Variants in PDGFRB observed in about 807,000 individuals in gnomAD.
PDGFRB encodes platelet-derived growth factor receptor beta.
In PDGFRB, 42 loss-of-function variants were observed where a neutral mutation model predicts 120.2. The observed-to-expected ratio is 0.35, with a 90% CI of 0.27 to 0.45. The LOEUF is 0.45. Ranked by LOEUF, PDGFRB falls within the 20% of genes least tolerant of loss-of-function variation. PDGFRB has a pLI of 1.00. For missense variants in PDGFRB, 1,149 were observed against 1,476.3 expected (o/e 0.78, Z 3.63); for synonymous variants, 586 against 606.8 (o/e 0.97, Z 0.50).
intron 22 of PDGFRB, among the ~76,000 whole-genome samples, chr5:150,116,786 G>T (rs1438629748): frequency 2.6e-5 from 4 of 152,156 alleles, no homozygotes; most frequent in East Asian, 3.9e-4. Flanking sequence ...TGGATGGTTG[G>T]CCTCTTCAAC....
chr5:150,141,841 C>T (rs1760793185), intron 1 of PDGFRB, among the ~76,000 whole-genome samples: 1 of 152,000 alleles, frequency 6.6e-6, no homozygotes, highest in African/African-American at 2.4e-5. Flanking sequence ...GGAGTGAGAG[C>T]TGCAACTGAG....
chr5:150,147,271 C>G (rs1031618470), intron 1 of PDGFRB, among the ~76,000 whole-genome samples: 2 of 152,328 alleles, frequency 1.3e-5, no homozygotes, highest in African/African-American at 2.4e-5. Flanking sequence ...CCCCACCCCC[C>G]AGAGCCTCAT....
intron 1 of PDGFRB, among the ~76,000 whole-genome samples, chr5:150,144,966 G>C (rs867016790): frequency 6.6e-6 from 1 of 152,264 alleles, no homozygotes; most frequent in Non-Finnish European, 1.5e-5. Context: ...ATTTAGTACA[G>C]TTGACCCTTG....
At chr5:150,117,889 G>T (rs1264669572) in intron 21 of PDGFRB, 39 bp from the exon 22 acceptor site, 2 of 1,238,656 alleles carry the variant, frequency 1.6e-6, no homozygotes, top group Non-Finnish European at 2.3e-6. Flanking sequence ...AACAGGGATG[G>T]TCAGGCCAGA....
chr5:150,120,810 C>A lies in PDGFRB; in HGVS notation c.2586+78G>T. The A allele has an allele frequency of 7.2e-7, 1 of 1,381,494 alleles. No homozygotes were observed. Among genetic ancestry groups the A allele is most frequent in the Non-Finnish European group, 1.0e-6 (1 of 979,046 alleles). The allele number at this position is 1,381,494 out of a possible 1,614,324, so 85.6% of individuals were successfully genotyped here. ...ACACAGATTTCCTATGAGCTGCAGC[C>A]ACACTGGTCAGGAGGGAATCTGTTC... On this transcript the variant is annotated intron_variant, in intron 18 of 22. Coordinates refer to ENST00000261799, the MANE Select transcript of PDGFRB (RefSeq NM_002609.4). This position sits in a 1 kb window ranked among gnomAD's most constrained non-coding sequence, Gnocchi z 4.3.
In PDGFRB at chr5:150,135,824, CCCT is replaced by C. The variant is rs1282139470; in HGVS notation, c.92_94del (p.Gln31_Gly32delinsArg). On this transcript the variant is annotated inframe_deletion, in exon 3 of 23. Coordinates refer to ENST00000261799, the MANE Select transcript of PDGFRB (RefSeq NM_002609.4). The stretch of plus-strand genomic sequence containing the variant: ...TGGCCCCGGGGGTGTGACGACCAGG[CCCT>C]GAGAGATCTGTGGTTCCAGAAGTAA... 4.5e-6 allele frequency: 7 copies of C among 1,558,126 alleles called. No individual in the cohort carries two copies. The highest frequency in any genetic ancestry group is 6.1e-6 in the Non-Finnish European group (7 of 1,152,928).
chr5:150,133,231 T>C (rs1443756624), intron 6 of PDGFRB, among the ~76,000 whole-genome samples: 4 of 152,150 alleles, frequency 2.6e-5, no homozygotes, highest in Non-Finnish European at 5.9e-5. Flanking sequence ...AAGGTTGAAT[T>C]TGGGGATGGG....
chr5:150,117,630 G>A lies in PDGFRB; in HGVS notation c.3125C>T (p.Pro1042Leu). 1.2e-6 allele frequency: 2 copies of A among 1,607,970 alleles called. No individual in the cohort carries two copies. Among genetic ancestry groups the A allele is most frequent in the Non-Finnish European group, 1.7e-6 (2 of 1,174,818 alleles). ...CCAGGGTGGTTACCTGGCTAGGCTG[G>A]GGGAACCCTCCAGTGGGCCCTCGTC... The part of the protein sequence containing the change: ...VADEGPLEGS[P>L]SLASSTLNEV... Residue 1042 changes from proline to leucine, a missense_variant, in exon 22 of 23, where the codon CCC (proline) becomes CTC (leucine). Pro to Leu is a moderately conservative substitution (Grantham distance 98). Coordinates refer to ENST00000261799, the MANE Select transcript of PDGFRB (RefSeq NM_002609.4).
chr5:150,129,759 T>C lies in PDGFRB; in HGVS notation c.1577A>G (p.His526Arg), dbSNP rs1760403763. Residue 526 changes from histidine to arginine, a missense_variant and splice_region_variant, in exon 10 of 23, where the codon CAC (histidine) becomes CGC (arginine). This residue lies in a region of PDGFRB where 879 missense variants were observed against 1,108.6 expected (regional missense o/e 0.79). Transcript: ENST00000261799. ...GGCCACTGAGGCTGGGGACTCACAG[T>C]GTGGCACCACGATGACCTCCTGCGT... is the stretch of plus-strand genomic sequence containing the variant. ...QDTQEVIVVPHSLPFKVVVIS... is the reference protein window; with the variant it reads ...QDTQEVIVVPRSLPFKVVVIS... 3 of 1,611,386 alleles carry C rather than the reference T, an allele frequency of 1.9e-6. No individual in the cohort carries two copies. The highest frequency in any genetic ancestry group is 2.5e-6 in the Non-Finnish European group (3 of 1,178,532).
chr5:150,122,400 C>A (rs907184896), intron 15 of PDGFRB, among the ~76,000 whole-genome samples: 4 of 152,236 alleles, frequency 2.6e-5, no homozygotes, highest in Middle Eastern at 3.2e-3. Context: ...CAGGATTCAC[C>A]CCGCTACCTA....
chr5:150,145,210 C>A (rs1229798378), intron 1 of PDGFRB, among the ~76,000 whole-genome samples: 1 of 152,232 alleles, frequency 6.6e-6, no homozygotes, highest in African/African-American at 2.4e-5. Flanking sequence ...TGTATTTTCT[C>A]TTCCTTGTGA....
intron 21 of PDGFRB, among the ~76,000 whole-genome samples, chr5:150,118,145 C>T (rs764841723): frequency 7.9e-5 from 12 of 152,310 alleles, no homozygotes; most frequent in Non-Finnish European, 1.2e-4. Flanking sequence ...GCTGCCTCAG[C>T]GTCCTTCTTC....
Position 150,121,377 on chromosome 5 carries a change from GACCC to G in PDGFRB, c.2345-59_2345-56del. The G allele has an allele frequency of 1.2e-6, 1 of 858,548 alleles. No homozygotes were observed. Among genetic ancestry groups the G allele is most frequent in the Non-Finnish European group, 2.0e-6 (1 of 489,822 alleles). The allele number at this position is 858,548 out of a possible 1,614,324, so 53.2% of individuals were successfully genotyped here. ...TCTTATATCTCCTTCTGGCCCACAG[GACCC>G]CTGCCCTTTGGCTCCTGGGAGACTG... On this transcript the variant is annotated intron_variant, in intron 16 of 22. Transcript: ENST00000261799. This position sits in a 1 kb window ranked among gnomAD's most constrained non-coding sequence, Gnocchi z 4.1.
intron 10 of PDGFRB, among the ~76,000 whole-genome samples, chr5:150,127,857 A>AAC (rs1562000062): frequency 6.7e-6 from 1 of 149,928 alleles, no homozygotes; most frequent in African/African-American, 2.5e-5. Context: ...AAAAAAAAAA[A>AAC]AACTTTGGAT....
intron 9 of PDGFRB, among the ~76,000 whole-genome samples, 166 bp from the exon 10 acceptor site, chr5:150,130,134 C>A (rs560753225): frequency 2.7e-4 from 41 of 152,350 alleles, no homozygotes; most frequent in South Asian, 6.2e-4. Context: ...GCAGGGGGTG[C>A]TCCCATCCCA....
chr5:150,118,668 T>C (rs1760040726), intron 21 of PDGFRB, 79 bp downstream of exon 21: 2 of 877,454 alleles, frequency 2.3e-6, no homozygotes, highest in Non-Finnish European at 3.8e-6. Context: ...TGCCAGCCCA[T>C]CACGCAGAGC....
In PDGFRB at chr5:150,115,197, T is replaced by C; in HGVS notation, c.*566A>G. The C allele has an allele frequency of 8.6e-6, 2 of 233,150 alleles. No individual in the cohort carries two copies. The highest frequency in any genetic ancestry group is 2.2e-5 in the African/African-American group (1 of 45,428). The allele number at this position is 233,150 out of a possible 1,614,324, so 14.4% of individuals were successfully genotyped here. A position where few individuals can be genotyped will look rare whatever the true frequency, so the allele number is the denominator to read the frequency against. ...AGCTCGGGCCAGGGAACGCAGGGACTGGCATCATAGGGAGGAGACTGGCTT... is the reference window on the plus strand; with the variant it reads ...AGCTCGGGCCAGGGAACGCAGGGACCGGCATCATAGGGAGGAGACTGGCTT... On this transcript the variant is annotated 3_prime_UTR_variant, in exon 23 of 23. Coordinates refer to ENST00000261799, the MANE Select transcript of PDGFRB (RefSeq NM_002609.4).
chr5:150,125,426 G>A lies in PDGFRB; in HGVS notation c.1807+19C>T. On this transcript the variant is annotated intron_variant, in intron 12 of 22. Coordinates refer to ENST00000261799, the MANE Select transcript of PDGFRB (RefSeq NM_002609.4). The stretch of plus-strand genomic sequence containing the variant: ...AACTTGAGTCCCCACACTGCCACAT[G>A]AGGCCTCTCAGGACTGACCCAGCAC... 6.2e-7 allele frequency: 1 copy of A among 1,600,906 alleles called. No individual in the cohort carries two copies. Among genetic ancestry groups the A allele is most frequent in the Non-Finnish European group, 8.5e-7 (1 of 1,170,732 alleles).
At position 150,126,551 on chromosome 5, in the gene PDGFRB, G is replaced by GAGAT; in HGVS notation, c.1639_1642dup (p.Ser548TyrfsTer24). ...CCAAAGCATGATGAGGATGATAAGG[G>GAGAT]AGATGATGGTGAGCACCACCAGGGC... On this transcript the variant is annotated frameshift_variant, in exon 11 of 23. Coordinates refer to ENST00000261799, the MANE Select transcript of PDGFRB (RefSeq NM_002609.4). LOFTEE classifies it high-confidence loss of function. 1 of 1,607,716 alleles carries GAGAT rather than the reference G, an allele frequency of 6.2e-7. No individual in the cohort carries two copies. The highest frequency in any genetic ancestry group is 8.5e-7 in the Non-Finnish European group (1 of 1,174,238).
Sources: gnomAD v4.1 joint callset for allele counts (sites outside exome capture counted in the v4.1 genomes callset) on GRCh38, gnomAD v4.1.1 for gene constraint, gnomAD v4.1.1 regional missense constraint, Gnocchi (gnomAD v3.1) non-coding constraint, MANE v1.5 for transcripts, NCBI Gene and HGNC (gene_info 2026-07-23, HGNC 2026-07-21) for gene names.